PCDH9: variants seen among roughly 807,000 people sequenced by gnomAD.
The protein encoded by PCDH9 is protocadherin-9.
Under a neutral mutation model 70.6 loss-of-function variants are expected in PCDH9, and 24 were observed. The ratio of observed to expected loss-of-function variants is 0.34; its 90% CI spans 0.25 to 0.48. PCDH9 has a LOEUF of 0.48. Among genes scored for constraint, PCDH9 ranks in the 20% least tolerant of loss-of-function variants. The probability of loss-of-function intolerance (pLI) is 0.99; values close to 1 mark genes in which losing one functional copy is unlikely to be tolerated. For synonymous variants in PCDH9, 562 were observed against 558.5 expected (o/e 1.01, Z -0.09); for missense variants, 1,281 against 1,503.6 (o/e 0.85, Z 2.45).
intron 4 of PCDH9, among the ~76,000 whole-genome samples, chr13:66,619,499 T>C (rs1304648438): frequency 1.3e-5 from 2 of 152,238 alleles, no homozygotes; most frequent in African/African-American, 2.4e-5. Context: ...AAATTCACCA[T>C]GGTCATTTTT....
At position 66,785,747 on chromosome 13, in the gene PCDH9, C is replaced by A. The variant is rs559735515; in HGVS notation, c.3138+117757G>T. On this transcript the variant is annotated intron_variant, in intron 3 of 4. Coordinates refer to ENST00000377865, the MANE Select transcript of PCDH9 (RefSeq NM_203487.3). ...TATTAATTCACTCTTTCACCATTTTCCCCAATTGAGGAACGTCACTGAGTA... is the reference window on the plus strand; with the variant it reads ...TATTAATTCACTCTTTCACCATTTTACCCAATTGAGGAACGTCACTGAGTA... 6.6e-5 allele frequency among the ~76,000 whole-genome samples: 10 copies of A among 152,062 alleles called. No homozygotes were observed. The East Asian group carries it at 1.7e-3, about 26-fold the overall frequency.
At chr13:66,604,861 A>G (rs573484717) in intron 4 of PCDH9, among the ~76,000 whole-genome samples, 4 of 152,084 alleles carry the variant, frequency 2.6e-5, no homozygotes, top group Admixed American at 2.6e-4. Context: ...GACAATAGCT[A>G]CATCACTTTC....
At chr13:66,992,074 T>G (rs145880604) in intron 2 of PCDH9, among the ~76,000 whole-genome samples, 25 of 152,266 alleles carry the variant, frequency 1.6e-4, no homozygotes, top group African/African-American at 5.1e-4. Flanking sequence ...ATACTCCAGA[T>G]TTTTTGATAA....
intron 4 of PCDH9, among the ~76,000 whole-genome samples, chr13:66,451,359 T>C (rs1459180557): frequency 6.6e-6 from 1 of 152,198 alleles, no homozygotes; most frequent in African/African-American, 2.4e-5. Flanking sequence ...CCTAATATGA[T>C]TATTGCAAAA....
chr13:66,345,425 C>A (rs563345395), intron 4 of PCDH9, among the ~76,000 whole-genome samples: 3 of 151,976 alleles, frequency 2.0e-5, no homozygotes, highest in Admixed American at 6.6e-5. Context: ...GTTGTTTAAA[C>A]CAAGTCCTGT....
In PCDH9 at chr13:67,227,198, A is replaced by G; in HGVS notation, c.1243T>C (p.Tyr415His). 1 of 1,613,472 alleles carries G rather than the reference A, an allele frequency of 6.2e-7. No homozygotes were observed. Among genetic ancestry groups the G allele is most frequent in the Non-Finnish European group, 8.5e-7 (1 of 1,179,378 alleles). The change falls in exon 2 of 5, where the codon TAT becomes CAT. Residue 415 changes from tyrosine (Y) to histidine (H), a missense_variant. Physicochemically the swap from Tyr to His is moderately conservative, Grantham distance 83. This residue lies in a region of PCDH9 where 798 missense variants were observed against 1,003.1 expected (regional missense o/e 0.80). Transcript: ENST00000377865. This position sits in a 1 kb window ranked among gnomAD's most constrained non-coding sequence, Gnocchi z 4.6. ...GTCTCTAACAAATATTGGTTGTCAT[A>G]TACCGCCTTCAAATGAAATGGGACC... The part of the protein sequence containing the change: ...REVPFHLKAV[Y>H]DNQYLLETSS...
At chr13:67,061,813 T>C (rs1388657043) in intron 2 of PCDH9, among the ~76,000 whole-genome samples, 1 of 152,158 alleles carries the variant, frequency 6.6e-6, no homozygotes, top group Non-Finnish European at 1.5e-5. Context: ...CAGGTAATTA[T>C]CTGAAACAGA....
At chr13:66,428,673 G>A (rs955562909) in intron 4 of PCDH9, among the ~76,000 whole-genome samples, 4 of 151,436 alleles carry the variant, frequency 2.6e-5, no homozygotes, top group Non-Finnish European at 5.9e-5. Context: ...TTTCTAAAAC[G>A]AATATGTGTG....
At chr13:66,853,912 T>C (rs1393881931) in intron 3 of PCDH9, among the ~76,000 whole-genome samples, 1 of 152,058 alleles carries the variant, frequency 6.6e-6, no homozygotes, top group Non-Finnish European at 1.5e-5. Context: ...TTGAGAAAAC[T>C]ATGAAAATAT....
At chr13:66,705,854 G>T (rs975311469) in intron 3 of PCDH9, among the ~76,000 whole-genome samples, 1 of 152,040 alleles carries the variant, frequency 6.6e-6, no homozygotes, top group South Asian at 2.1e-4. Flanking sequence ...TTAATTTTAC[G>T]TATCATAAAT....
chr13:66,809,134 G>A (rs943552676), intron 3 of PCDH9, among the ~76,000 whole-genome samples: 2 of 152,098 alleles, frequency 1.3e-5, no homozygotes, highest in African/African-American at 4.8e-5. Flanking sequence ...TTGTTTAGTA[G>A]AGACGGGGTT....
At chr13:67,211,425 C>T (rs1435589766) in intron 2 of PCDH9, 1 of 151,854 alleles carries the variant, frequency 6.6e-6, no homozygotes, top group African/African-American at 2.4e-5. Flanking sequence ...TATGTTTGTA[C>T]AAGAATGTGC....
intron 4 of PCDH9, among the ~76,000 whole-genome samples, chr13:66,465,222 TTAA>T (rs1182080106): frequency 6.6e-6 from 1 of 151,892 alleles, no homozygotes; most frequent in Non-Finnish European, 1.5e-5. Context: ...TTGAATGATC[TTAA>T]TAAAACCTTT....
At chr13:66,430,531 C>T (rs1957752819) in intron 4 of PCDH9, among the ~76,000 whole-genome samples, 1 of 151,960 alleles carries the variant, frequency 6.6e-6, no homozygotes, top group African/African-American at 2.4e-5. Flanking sequence ...TCCATTTATT[C>T]ATTCAGCAAA....
intron 3 of PCDH9, among the ~76,000 whole-genome samples, chr13:66,727,624 T>C (rs2079022512): frequency 6.6e-6 from 1 of 152,084 alleles, no homozygotes; most frequent in East Asian, 1.9e-4. Flanking sequence ...TATAGAGAGA[T>C]AGATATAGGC....
chr13:66,957,660 A>G (rs1432316141), intron 2 of PCDH9, among the ~76,000 whole-genome samples: 1 of 152,104 alleles, frequency 6.6e-6, no homozygotes, highest in Non-Finnish European at 1.5e-5. Context: ...TTATGAGAAG[A>G]GACACCAGAG....
intron 4 of PCDH9, among the ~76,000 whole-genome samples, chr13:66,446,742 G>C (rs1309524312): frequency 2.6e-5 from 4 of 151,966 alleles, no homozygotes; most frequent in African/African-American, 9.7e-5. Flanking sequence ...TAAAGTTGTA[G>C]CATCGGTCAA....
intron 3 of PCDH9, among the ~76,000 whole-genome samples, chr13:66,748,250 G>A (rs529801038): frequency 7.2e-5 from 11 of 152,110 alleles, no homozygotes; most frequent in Non-Finnish European, 1.3e-4. Flanking sequence ...ATATAAAATG[G>A]ATGCTTCTAG....
Position 66,678,205 on chromosome 13 carries a change from C to T in PCDH9, c.3139-46794G>A, listed in dbSNP as rs2078270978. Among the ~76,000 whole-genome samples, 5 of 152,030 alleles carry T rather than the reference C, an allele frequency of 3.3e-5. No individual in the cohort carries two copies. In the South Asian group the frequency reaches 8.3e-4, roughly 25 times the overall value. The stretch of plus-strand genomic sequence containing the variant: ...GTTCAAACATTGGCCTTAGCTTTCT[C>T]TTGGTTTCCTTTATCTTTTCATTCT... On this transcript the variant is annotated intron_variant, in intron 3 of 4. Coordinates refer to ENST00000377865, the MANE Select transcript of PCDH9 (RefSeq NM_203487.3).
Sources: gnomAD v4.1 joint callset for allele counts (sites outside exome capture counted in the v4.1 genomes callset) on GRCh38, gnomAD v4.1.1 for gene constraint, gnomAD v4.1.1 regional missense constraint, Gnocchi (gnomAD v3.1) non-coding constraint, MANE v1.5 for transcripts, NCBI Gene and HGNC (gene_info 2026-07-23, HGNC 2026-07-21) for gene names.